ESRRG: variants seen among roughly 807,000 people sequenced by gnomAD.
The protein encoded by ESRRG is estrogen related receptor gamma, also known as estrogen-related receptor gamma.
In ESRRG, 13 loss-of-function variants were observed where a neutral mutation model predicts 44.0. The observed-to-expected ratio is 0.30, with a 90% CI of 0.19 to 0.47. ESRRG has a LOEUF of 0.47. Among genes scored for constraint, ESRRG ranks in the 20% least tolerant of loss-of-function variants. The pLI is 1.00. For missense variants in ESRRG, 395 were observed against 580.6 expected (o/e 0.68, Z 3.29); for synonymous variants, 215 against 214.6 (o/e 1.00, Z -0.02).
At chr1:217,105,792 C>A (rs2092585361) in intron 1 of ESRRG, among the ~76,000 whole-genome samples, 1 of 152,196 alleles carries the variant, frequency 6.6e-6, no homozygotes, top group Non-Finnish European at 1.5e-5. Flanking sequence ...TCTCAAGTCT[C>A]AGTGTTTTCC....
intron 3 of ESRRG, among the ~76,000 whole-genome samples, chr1:216,609,066 G>A (rs1261165361): frequency 6.6e-6 from 1 of 152,054 alleles, no homozygotes; most frequent in Non-Finnish European, 1.5e-5. Context: ...ACTAACACTT[G>A]GTAATGAATC....
chr1:216,805,734 GA>G (rs57697657), intron 2 of ESRRG, among the ~76,000 whole-genome samples: 1,596 of 135,678 alleles, frequency 0.012, 21 homozygotes, highest in African/African-American at 0.032. Flanking sequence ...TTTGTAATTG[GA>G]AAAAAAAAAA....
intron 1 of ESRRG, among the ~76,000 whole-genome samples, chr1:216,969,036 C>T (rs1260873942): frequency 6.6e-6 from 1 of 152,194 alleles, no homozygotes; most frequent in Non-Finnish European, 1.5e-5. Context: ...TCTAGACTAA[C>T]TCCTTTAGAA....
chr1:216,608,998 C>T (rs779901865), intron 3 of ESRRG, among the ~76,000 whole-genome samples: 66 of 152,292 alleles, frequency 4.3e-4, no homozygotes, highest in South Asian at 8.3e-4. Flanking sequence ...TCTTTCTTGG[C>T]TACAGGCTTT....
At chr1:217,105,252 C>T (rs190714465) in intron 1 of ESRRG, among the ~76,000 whole-genome samples, 99 of 152,308 alleles carry the variant, frequency 6.5e-4, no homozygotes, top group African/African-American at 2.1e-3. Context: ...TAGCTCTAGG[C>T]ATAATCCTAA....
At chr1:216,788,453 T>A (rs1489052266) in intron 2 of ESRRG, among the ~76,000 whole-genome samples, 2 of 152,128 alleles carry the variant, frequency 1.3e-5, no homozygotes, top group African/African-American at 4.8e-5. Context: ...ACAGCATGAT[T>A]TACTGAGTAC....
chr1:216,571,064 C>T (rs1405326021), intron 3 of ESRRG, among the ~76,000 whole-genome samples: 3 of 152,124 alleles, frequency 2.0e-5, no homozygotes, highest in African/African-American at 4.8e-5. Context: ...AGTTACATCA[C>T]TTTAAAGCCA....
chr1:216,898,951 A>G (rs1403967566), intron 2 of ESRRG, among the ~76,000 whole-genome samples: 3 of 152,104 alleles, frequency 2.0e-5, no homozygotes, highest in African/African-American at 7.2e-5. Context: ...CTTCTGCTCA[A>G]TACACTCCCA....
chr1:216,512,501 C>G (rs1317756768), intron 6 of ESRRG, among the ~76,000 whole-genome samples: 1 of 151,884 alleles, frequency 6.6e-6, no homozygotes, highest in Non-Finnish European at 1.5e-5. Context: ...ATTGTAGTAA[C>G]TAAGTATACA....
chr1:216,872,657 T>A (rs2096274519), intron 2 of ESRRG, among the ~76,000 whole-genome samples: 1 of 152,192 alleles, frequency 6.6e-6, no homozygotes, highest in Non-Finnish European at 1.5e-5. Flanking sequence ...ATTTGATTTT[T>A]CTTTCTATTT....
At chr1:216,527,929 T>C (rs12144650) in intron 5 of ESRRG, among the ~76,000 whole-genome samples, 52,497 of 151,978 alleles carry the variant, frequency 0.35, 9,224 homozygotes, top group Non-Finnish European at 0.36. Context: ...AGTGGTTTGC[T>C]GTGTTCTAGA....
intron 3 of ESRRG, among the ~76,000 whole-genome samples, chr1:216,643,550 C>T (rs184323771): frequency 1.2e-3 from 190 of 152,224 alleles, no homozygotes; most frequent in Admixed American, 3.3e-3. Context: ...GCAAAAATGG[C>T]GTGACCCTTT....
intron 1 of ESRRG, among the ~76,000 whole-genome samples, chr1:217,100,846 G>A (rs773633700): frequency 3.9e-5 from 6 of 152,040 alleles, no homozygotes; most frequent in Non-Finnish European, 5.9e-5. Context: ...TCAAAGAATC[G>A]GCCCCCATGA....
At chr1:216,992,929 A>G (rs2075925468) in intron 1 of ESRRG, among the ~76,000 whole-genome samples, 1 of 152,194 alleles carries the variant, frequency 6.6e-6, no homozygotes, top group Admixed American at 6.5e-5. Context: ...GAGGCTTCCT[A>G]TAATCACCAT....
chr1:216,988,599 T>C (rs753940619), intron 1 of ESRRG, among the ~76,000 whole-genome samples: 8 of 152,196 alleles, frequency 5.3e-5, no homozygotes, highest in Admixed American at 2.0e-4. Context: ...GGTTCTGATA[T>C]GGTGGCTTGA....
intron 1 of ESRRG, among the ~76,000 whole-genome samples, chr1:217,065,932 G>A (rs566387899): frequency 1.3e-5 from 2 of 152,246 alleles, no homozygotes; most frequent in East Asian, 3.9e-4. Flanking sequence ...TCATTGCCCT[G>A]TTCCTTACAT....
rs138573375 is a variant in ESRRG at position 216,585,353 on chromosome 1, C to A, written c.590-17255G>T. 6.0e-3 allele frequency among the ~76,000 whole-genome samples: 911 copies of A among 152,270 alleles called. 5 individuals carry two copies. Among genetic ancestry groups the A allele is most frequent in the Middle Eastern group, 0.01 (3 of 294 alleles). On this transcript the variant is annotated intron_variant, in intron 3 of 6. Transcript: ENST00000408911. The stretch of plus-strand genomic sequence containing the variant: ...TGATGTGGAATTGCACCAATGTGTT[C>A]TCTAAATTTAAGCTGCAGTCTCTAA...
chr1:216,759,091 T>A (rs2092626712), intron 2 of ESRRG, among the ~76,000 whole-genome samples: 1 of 152,090 alleles, frequency 6.6e-6, no homozygotes, highest in Non-Finnish European at 1.5e-5. Flanking sequence ...AAACTGGCCA[T>A]CACACCAATT....
intron 2 of ESRRG, among the ~76,000 whole-genome samples, chr1:216,881,445 G>T (rs1273423546): frequency 6.6e-5 from 10 of 152,114 alleles, no homozygotes; most frequent in Non-Finnish European, 1.5e-4. Flanking sequence ...AACTTCCTCT[G>T]GTCCTCTTCT....
Sources: allele counts gnomAD v4.1 joint callset (sites outside exome capture counted in the v4.1 genomes callset), GRCh38; gene constraint gnomAD v4.1.1; transcripts MANE v1.5; gene names NCBI Gene and HGNC (gene_info 2026-07-23, HGNC 2026-07-21).